Variants in JAML observed in about 807,000 individuals in gnomAD.
The protein encoded by JAML is junction adhesion molecule like, also known as junctional adhesion molecule-like.
A neutral mutation model predicts 39.3 loss-of-function variants in JAML; 25 were observed. The observed-to-expected ratio is 0.64, with a 90% CI of 0.46 to 0.89. The LOEUF is 0.89. Among genes scored for constraint, JAML ranks in the 40% least tolerant of loss-of-function variants. JAML has a pLI of 0.00. For missense variants in JAML, 440 were observed against 486.9 expected (o/e 0.90, Z 0.91); for synonymous variants, 162 against 179.2 (o/e 0.90, Z 0.77).
Position 118,194,348 on chromosome 11 carries a change from G to A in JAML, c.1162C>T (p.Pro388Ser). The change falls in exon 10 of 10, where the codon CCA (proline) becomes TCA (serine). Residue 388 changes from proline to serine, a missense_variant. Physicochemically the swap from Pro to Ser is moderately conservative, Grantham distance 74 (BLOSUM62 -1). Coordinates refer to ENST00000356289, the MANE Select transcript of JAML (RefSeq NM_001098526.2). The part of the protein sequence containing the change: ...SLEKKSGGGM[P>S]KTQQAF ...TCTCAAAAGGCTTGCTGTGTTTTTG[G>A]CATTCCCCCACCTGACTTTTTTTCA... The A allele has an allele frequency of 6.2e-7, 1 of 1,613,830 alleles. No homozygotes were observed. Among genetic ancestry groups the A allele is most frequent in the Non-Finnish European group, 8.5e-7 (1 of 1,179,800 alleles).
chr11:118,210,348 A>G (rs1314302888), intron 4 of JAML, 139 bp downstream of exon 4: 5 of 612,610 alleles, frequency 8.2e-6, no homozygotes, highest in African/African-American at 3.7e-5. Context: ...TGAAATAATT[A>G]TGATCATTTT....
At chr11:118,212,228 A>G (rs887346293) in intron 3 of JAML, among the ~76,000 whole-genome samples, 179 bp downstream of exon 3, 1 of 152,178 alleles carries the variant, frequency 6.6e-6, no homozygotes, top group African/African-American at 2.4e-5. Flanking sequence ...TAACTTACTT[A>G]CCCAGCTGAT....
rs1389801334 is a variant in JAML at position 118,210,987 on chromosome 11, T to G, written c.199-275A>C. Among the ~76,000 whole-genome samples the G allele has an allele frequency of 2.0e-5, 3 of 152,262 alleles. No individual in the cohort carries two copies. The East Asian group carries it at 5.8e-4, about 29-fold the overall frequency. On this transcript the variant is annotated intron_variant, in intron 3 of 9. Transcript: ENST00000356289. ...ATATAGCACCCACTCTGAAGATCAC[T>G]CTACGGTTTTTAACTTACAACTTTT... is the stretch of plus-strand genomic sequence containing the variant.
At chr11:118,197,273 A>G (rs927333752) in intron 8 of JAML, 1 of 155,918 alleles carries the variant, frequency 6.4e-6, no homozygotes, top group Non-Finnish European at 1.4e-5. Context: ...TTGGTAAAGC[A>G]GTATCATCCA....
rs1475595030 is a variant in JAML, at chr11:118,194,270, C to T, written c.*55G>A. 6.8e-7 allele frequency: 1 copy of T among 1,471,434 alleles called. No homozygotes were observed. The highest frequency in any genetic ancestry group is 9.5e-7 in the Non-Finnish European group (1 of 1,050,896). The allele number at this position is 1,471,434 out of a possible 1,614,324, so 91.1% of individuals were successfully genotyped here. On this transcript the variant is annotated 3_prime_UTR_variant, in exon 10 of 10. Coordinates refer to ENST00000356289, the MANE Select transcript of JAML (RefSeq NM_001098526.2). Reference sequence around the variant, plus strand: ...AAATCACTGGTAGAGTGGCCCAGGACACACACAGGAGAGAGTCTCCACCGC... The same window carrying T: ...AAATCACTGGTAGAGTGGCCCAGGATACACACAGGAGAGAGTCTCCACCGC...
At chr11:118,202,757 C>T in intron 6 of JAML, 1 of 365,140 alleles carries the variant, frequency 2.7e-6, no homozygotes, top group Non-Finnish European at 5.4e-6. Flanking sequence ...TCCCCACCCC[C>T]AGCCAACCAC....
intron 5 of JAML, chr11:118,204,087 T>G (rs951250008): frequency 4.1e-5 from 8 of 194,068 alleles, no homozygotes; most frequent in African/African-American, 1.9e-4. Context: ...TGGCAATGCT[T>G]TCCTCCAGAT....
rs1485201015 is a variant in JAML at position 118,202,322 on chromosome 11, GAC to G, written c.772+1104_772+1105del. ...GGAAAACAATCTTAAGAAAAAGAAA[GAC>G]ACAGAATGGAGCTGAAGAAAAAAAG... On this transcript the variant is annotated intron_variant, in intron 6 of 9. Transcript: ENST00000356289. 6 of 152,472 alleles carry G rather than the reference GAC, an allele frequency of 3.9e-5. No homozygotes were observed. The East Asian group carries it at 1.2e-3, about 29-fold the overall frequency. The allele number at this position is 152,472 out of a possible 1,614,324, so 9.4% of individuals were successfully genotyped here. A position where few individuals can be genotyped will look rare whatever the true frequency, so the allele number is the denominator to read the frequency against.
chr11:118,224,426 A>T (rs1949240074), intron 1 of JAML, among the ~76,000 whole-genome samples: 1 of 152,240 alleles, frequency 6.6e-6, no homozygotes, highest in African/African-American at 2.4e-5. Flanking sequence ...GAAGAAAAAC[A>T]GTGGTATAAC....
intron 9 of JAML, 67 bp from the exon 10 acceptor site, chr11:118,194,484 G>A: frequency 5.3e-6 from 7 of 1,315,850 alleles, no homozygotes; most frequent in Non-Finnish European, 7.6e-6. Flanking sequence ...CATAGCAGCT[G>A]CTGTTCATTG....
At chr11:118,209,328 A>G (rs1271624698) in intron 4 of JAML, 1 of 160,064 alleles carries the variant, frequency 6.2e-6, no homozygotes, top group Non-Finnish European at 1.4e-5. Flanking sequence ...AATGAATACA[A>G]CAGGAAAAAG....
chr11:118,212,987 T>C, intron 2 of JAML: 1 of 1,613,594 alleles, frequency 6.2e-7, no homozygotes. Context: ...GGACCTTTTG[T>C]TTACTTCCTC....
chr11:118,204,815 T>G (rs1238396720), intron 5 of JAML: 1 of 152,174 alleles, frequency 6.6e-6, no homozygotes, highest in Non-Finnish European at 1.5e-5. Flanking sequence ...ATTCTTCATA[T>G]AGCAGATTCT....
At position 118,222,970 on chromosome 11, in the gene JAML, C is replaced by T. The variant is rs1949224556; in HGVS notation, c.-21+1971G>A. Reference sequence around the variant, plus strand: ...ATTAATCAGGTGTGGTGGTGAGCGCCTGTAATCCCAGCTACTTGGGAGGCT... The same window carrying T: ...ATTAATCAGGTGTGGTGGTGAGCGCTTGTAATCCCAGCTACTTGGGAGGCT... On this transcript the variant is annotated intron_variant, in intron 1 of 9. Coordinates refer to ENST00000356289, the MANE Select transcript of JAML (RefSeq NM_001098526.2). The surrounding 1 kb of genome is among the most constrained non-coding windows in gnomAD (Gnocchi z 4.2). Among the ~76,000 whole-genome samples the T allele has an allele frequency of 6.6e-6, 1 of 151,898 alleles. No individual in the cohort carries two copies. Among genetic ancestry groups the T allele is most frequent in the African/African-American group, 2.4e-5 (1 of 41,376 alleles).
At chr11:118,214,740 G>C in intron 2 of JAML, 84 bp downstream of exon 2, 1 of 1,426,838 alleles carries the variant, frequency 7.0e-7, no homozygotes, top group Non-Finnish European at 9.8e-7. Context: ...CAAGGGAATC[G>C]AAAATATGTA....
chr11:118,221,196 C>T (rs140788880), intron 1 of JAML, among the ~76,000 whole-genome samples: 1 of 152,114 alleles, frequency 6.6e-6, no homozygotes, highest in Admixed American at 6.5e-5. Context: ...AAGAAGCATG[C>T]GTAATAATTA....
chr11:118,202,594 C>T (rs911300602), intron 6 of JAML: 1 of 217,424 alleles, frequency 4.6e-6, no homozygotes, highest in African/African-American at 2.3e-5. Flanking sequence ...CTGCATGAGC[C>T]CCCATAATGG....
In JAML at chr11:118,203,922, T is replaced by G. The variant is rs2134654508; in HGVS notation, c.535-257A>C. 4 of 450,454 alleles carry G rather than the reference T, an allele frequency of 8.9e-6. No individual in the cohort carries two copies. In the South Asian group the frequency reaches 1.2e-4, roughly 14 times the overall value. The allele number at this position is 450,454 out of a possible 1,614,324, so 27.9% of individuals were successfully genotyped here. A position where few individuals can be genotyped will look rare whatever the true frequency, so the allele number is the denominator to read the frequency against. On this transcript the variant is annotated intron_variant, in intron 5 of 9. Transcript: ENST00000356289. ...GATAAGAAAAGGAGGACTTTCATTT[T>G]GTGCACCTTTCCAATAAAAAAAAAG...
At chr11:118,202,701 G>C (rs774384434) in intron 6 of JAML, 60 of 322,132 alleles carry the variant, frequency 1.9e-4, no homozygotes, top group Middle Eastern at 1.2e-3. Flanking sequence ...CACAGACTTA[G>C]GTCTCTGGCC....
Sources: allele counts gnomAD v4.1 joint callset (sites outside exome capture counted in the v4.1 genomes callset), GRCh38; gene constraint gnomAD v4.1.1; non-coding constraint Gnocchi (gnomAD v3.1); transcripts MANE v1.5; gene names NCBI Gene and HGNC (gene_info 2026-07-23, HGNC 2026-07-21).